The following RGS17 variants were observed in gnomAD, a reference collection of about 807,000 sequenced individuals.
RGS17 encodes regulator of G-protein signaling 17.
A neutral mutation model predicts 25.5 loss-of-function variants in RGS17; 12 were observed. That is an observed-to-expected ratio of 0.47 (90% confidence interval 0.30 to 0.76). The LOEUF (loss-of-function observed/expected upper bound fraction) is 0.76, where lower values mean the gene tolerates loss of function less well. RGS17 is among the 30% of genes least tolerant of loss of function. The pLI is 0.07. For synonymous variants in RGS17, 71 were observed against 76.9 expected (o/e 0.92, Z 0.40); for missense variants, 196 against 242.2 (o/e 0.81, Z 1.27).
At chr6:153,013,659 C>T (rs570781650) in intron 4 of RGS17, among the ~76,000 whole-genome samples, 132 of 152,328 alleles carry the variant, frequency 8.7e-4, no homozygotes, top group African/African-American at 3.1e-3. Flanking sequence ...AAAAGTGTTA[C>T]TCCAGTGAAC....
chr6:153,074,630 C>T (rs770582468), intron 1 of RGS17, among the ~76,000 whole-genome samples: 10 of 152,036 alleles, frequency 6.6e-5, no homozygotes, highest in Non-Finnish European at 1.5e-4. Flanking sequence ...AAAAGGCTGC[C>T]TTCATAGTTG....
intron 3 of RGS17, among the ~76,000 whole-genome samples, chr6:153,026,103 T>TTG (rs1366146225): frequency 6.6e-6 from 1 of 152,092 alleles, no homozygotes; most frequent in African/African-American, 2.4e-5. Context: ...TCCATATCAT[T>TTG]TGTGTGTGTG....
At chr6:153,080,028 C>T (rs1408870357) in intron 1 of RGS17, among the ~76,000 whole-genome samples, 6 of 152,120 alleles carry the variant, frequency 3.9e-5, no homozygotes, top group Non-Finnish European at 7.3e-5. Flanking sequence ...TGTCGCCAGG[C>T]TGGAGGGCAG....
At chr6:153,074,219 T>C (rs1776845981) in intron 1 of RGS17, among the ~76,000 whole-genome samples, 1 of 152,190 alleles carries the variant, frequency 6.6e-6, no homozygotes, top group South Asian at 2.1e-4. Context: ...TTTTTTTACA[T>C]TTCCAAAACT....
At chr6:153,058,967 C>A (rs1295827119) in intron 1 of RGS17, among the ~76,000 whole-genome samples, 2 of 150,494 alleles carry the variant, frequency 1.3e-5, no homozygotes, top group African/African-American at 4.9e-5. Context: ...GAAATAAATT[C>A]TTTGTGCATT....
intron 1 of RGS17, among the ~76,000 whole-genome samples, chr6:153,103,373 C>T (rs1364193085): frequency 2.6e-5 from 4 of 152,006 alleles, no homozygotes; most frequent in Non-Finnish European, 5.9e-5. Context: ...GTTATATTTC[C>T]GTGACCTTCA....
intron 1 of RGS17, among the ~76,000 whole-genome samples, chr6:153,121,243 A>C (rs891469882): frequency 5.3e-5 from 8 of 152,228 alleles, no homozygotes; most frequent in Admixed American, 4.6e-4. Flanking sequence ...GGCTGTATTT[A>C]CCAATGCACC....
At chr6:153,102,216 G>A (rs576942701) in intron 1 of RGS17, among the ~76,000 whole-genome samples, 4 of 152,202 alleles carry the variant, frequency 2.6e-5, no homozygotes, top group African/African-American at 9.6e-5. Context: ...GACAGGAAAT[G>A]GAACATGACA....
intron 1 of RGS17, among the ~76,000 whole-genome samples, chr6:153,129,158 C>T (rs1777747641): frequency 1.3e-5 from 2 of 152,098 alleles, no homozygotes; most frequent in African/African-American, 4.8e-5. Flanking sequence ...TTCTTGTTAC[C>T]TCAAACTAAA....
chr6:153,119,661 C>A lies in RGS17; in HGVS notation c.-26+11463G>T, dbSNP rs1014955163. ...TGAGCCGAGATCACGCCATTGCACT[C>A]CAGCCTGGGCAACAAGAGCAAGACT... On this transcript the variant is annotated intron_variant, in intron 1 of 4. Transcript: ENST00000206262. 2.0e-5 allele frequency among the ~76,000 whole-genome samples: 3 copies of A among 152,174 alleles called. No individual in the cohort carries two copies. The South Asian group carries it at 6.2e-4, about 32-fold the overall frequency.
chr6:153,126,355 T>C (rs1777702613), intron 1 of RGS17, among the ~76,000 whole-genome samples: 1 of 152,182 alleles, frequency 6.6e-6, no homozygotes, highest in Non-Finnish European at 1.5e-5. Flanking sequence ...TCCGGACTTC[T>C]AAAAAGAAGT....
chr6:153,052,929 C>T (rs1776482691), intron 1 of RGS17, among the ~76,000 whole-genome samples: 1 of 152,188 alleles, frequency 6.6e-6, no homozygotes, highest in Non-Finnish European at 1.5e-5. Flanking sequence ...TACTCTCCTG[C>T]TCTCTTTCCA....
At chr6:153,020,314 C>T (rs995337539) in intron 4 of RGS17, among the ~76,000 whole-genome samples, 8 of 150,372 alleles carry the variant, frequency 5.3e-5, no homozygotes, top group East Asian at 1.9e-4. Flanking sequence ...CCACCACGCC[C>T]GGCTAATTTT....
chr6:153,094,808 T>C (rs1341966571), intron 1 of RGS17, among the ~76,000 whole-genome samples: 1 of 152,184 alleles, frequency 6.6e-6, no homozygotes, highest in African/African-American at 2.4e-5. Context: ...GGAGGGCTTT[T>C]ATACCTTCTT....
rs368746815 is a variant in RGS17 at position 153,063,302 on chromosome 6, C to T, written c.-25-19259G>A. Among the ~76,000 whole-genome samples the T allele has an allele frequency of 2.0e-5, 3 of 152,230 alleles. No homozygotes were observed. The East Asian group carries it at 5.8e-4, about 29-fold the overall frequency. On this transcript the variant is annotated intron_variant, in intron 1 of 4. Transcript: ENST00000206262. ...CTTTCGGACAGAGAATTCAAAATATCAGTTTTGAGGAAACCCAAAGAAATT... is the reference window on the plus strand; with the variant it reads ...CTTTCGGACAGAGAATTCAAAATATTAGTTTTGAGGAAACCCAAAGAAATT...
intron 2 of RGS17, among the ~76,000 whole-genome samples, chr6:153,026,979 T>C (rs1584123194): frequency 1.3e-5 from 2 of 152,350 alleles, no homozygotes; most frequent in East Asian, 3.9e-4. Flanking sequence ...GATTGAGAGC[T>C]AATAAGATAC....
chr6:153,013,215 C>A (rs368548313), intron 4 of RGS17, among the ~76,000 whole-genome samples: 14 of 152,316 alleles, frequency 9.2e-5, no homozygotes, highest in East Asian at 3.9e-4. Flanking sequence ...TAATATTTCA[C>A]AATTTTCATC....
At chr6:153,016,430 T>C (rs2129105831) in intron 4 of RGS17, among the ~76,000 whole-genome samples, 1 of 152,204 alleles carries the variant, frequency 6.6e-6, no homozygotes, top group Non-Finnish European at 1.5e-5. Flanking sequence ...CAGGAAACCT[T>C]ACATTAGAGA....
intron 1 of RGS17, among the ~76,000 whole-genome samples, chr6:153,089,375 G>A (rs1777095585): frequency 6.6e-6 from 1 of 152,116 alleles, no homozygotes; most frequent in East Asian, 1.9e-4. Context: ...TCTAGAAATA[G>A]AAATAAGTCC....
Sources: allele counts gnomAD v4.1 joint callset (sites outside exome capture counted in the v4.1 genomes callset), GRCh38; gene constraint gnomAD v4.1.1; transcripts MANE v1.5; gene names NCBI Gene and HGNC (gene_info 2026-07-23, HGNC 2026-07-21).